Variants in NALF1 observed in about 807,000 individuals in gnomAD.
NALF1 encodes the protein NALCN channel auxiliary factor 1.
In NALF1, 3 loss-of-function variants were observed where a neutral mutation model predicts 48.4. The observed-to-expected ratio is 0.06, with a 90% CI of 0.03 to 0.16. The LOEUF (loss-of-function observed/expected upper bound fraction) is 0.16, where lower values mean the gene tolerates loss of function less well. Among genes scored for constraint, NALF1 ranks in the 10% least tolerant of loss-of-function variants. NALF1 has a pLI of 1.00. For synonymous variants in NALF1, 262 were observed against 245.7 expected (o/e 1.07, Z -0.62); for missense variants, 526 against 571.5 (o/e 0.92, Z 0.81).
At chr13:107,330,661 G>A (rs755823233) in intron 1 of NALF1, among the ~76,000 whole-genome samples, 4 of 152,186 alleles carry the variant, frequency 2.6e-5, no homozygotes, top group Non-Finnish European at 5.9e-5. Context: ...AAGCCGCGGG[G>A]CTGTGTCACC....
At chr13:107,554,740 C>T (rs1460636690) in intron 1 of NALF1, among the ~76,000 whole-genome samples, 5 of 152,120 alleles carry the variant, frequency 3.3e-5, no homozygotes, top group Non-Finnish European at 7.4e-5. Context: ...ATTTGCTACC[C>T]GCAGTTTTAT....
intron 1 of NALF1, among the ~76,000 whole-genome samples, chr13:107,742,258 C>T (rs556953473): frequency 1.2e-4 from 18 of 152,314 alleles, no homozygotes; most frequent in African/African-American, 4.3e-4. Context: ...GAGGTCTCAT[C>T]TAAAACATCA....
At chr13:107,627,015 G>T (rs745520645) in intron 1 of NALF1, among the ~76,000 whole-genome samples, 13 of 151,998 alleles carry the variant, frequency 8.6e-5, no homozygotes, top group African/African-American at 3.1e-4. Flanking sequence ...TCTTCTCTAT[G>T]ACATTATACA....
chr13:107,440,280 G>T (rs529209581), intron 1 of NALF1, among the ~76,000 whole-genome samples: 1 of 152,172 alleles, frequency 6.6e-6, no homozygotes, highest in South Asian at 2.1e-4. Flanking sequence ...TATGGAAGAC[G>T]TGGTGGGGGT....
At chr13:107,806,440 C>T (rs1878792117) in intron 1 of NALF1, among the ~76,000 whole-genome samples, 1 of 151,692 alleles carries the variant, frequency 6.6e-6, no homozygotes, top group Non-Finnish European at 1.5e-5. Context: ...TTTTAAAAAG[C>T]CAATTACATA....
At chr13:107,403,188 C>CTTTTTTTTTTTTTTTTTTTT (rs10710356) in intron 1 of NALF1, among the ~76,000 whole-genome samples, 5 of 42,476 alleles carry the variant, frequency 1.2e-4, no homozygotes, top group African/African-American at 2.6e-4. Context: ...CTTGTTCGGG[C>CTTTTTTTTTTTTTTTTTTTT]TTTTTTTTTT....
intron 2 of NALF1, among the ~76,000 whole-genome samples, chr13:107,196,341 T>C (rs1879392889): frequency 6.6e-6 from 1 of 152,184 alleles, no homozygotes; most frequent in Admixed American, 6.5e-5. Context: ...TATAAGTCTC[T>C]AGAATCAAGC....
chr13:107,340,355 G>A (rs1173962634), intron 1 of NALF1, among the ~76,000 whole-genome samples: 1 of 151,042 alleles, frequency 6.6e-6, no homozygotes, highest in Non-Finnish European at 1.5e-5. Flanking sequence ...TAGCCCAGCT[G>A]GTCACAAACT....
At chr13:107,651,257 T>C (rs1880444151) in intron 1 of NALF1, among the ~76,000 whole-genome samples, 6 of 152,222 alleles carry the variant, frequency 3.9e-5, no homozygotes, top group Admixed American at 3.3e-4. Flanking sequence ...GTTTCTGTTC[T>C]GTATTCTTTA....
intron 1 of NALF1, among the ~76,000 whole-genome samples, chr13:107,694,161 C>T (rs1881642854): frequency 6.6e-6 from 1 of 152,154 alleles, no homozygotes; most frequent in Non-Finnish European, 1.5e-5. Context: ...TTACAAACAG[C>T]TGTTAAAGCT....
chr13:107,860,575 C>A (rs978115163), intron 1 of NALF1, among the ~76,000 whole-genome samples: 2 of 152,032 alleles, frequency 1.3e-5, no homozygotes, highest in African/African-American at 2.4e-5. Context: ...CCACTGTGAC[C>A]CCAAAGGCCA....
At chr13:107,649,672 C>T (rs1437375991) in intron 1 of NALF1, among the ~76,000 whole-genome samples, 1 of 152,120 alleles carries the variant, frequency 6.6e-6, no homozygotes, top group African/African-American at 2.4e-5. Flanking sequence ...AAAATAAAAA[C>T]AGTGTATCCT....
chr13:107,178,142 G>A (rs1278487823), intron 2 of NALF1, among the ~76,000 whole-genome samples: 2 of 152,082 alleles, frequency 1.3e-5, no homozygotes, highest in Non-Finnish European at 2.9e-5. Context: ...TGTTGCTCTA[G>A]GCAAAAATTT....
At chr13:107,448,911 C>T (rs1884695866) in intron 1 of NALF1, among the ~76,000 whole-genome samples, 1 of 152,134 alleles carries the variant, frequency 6.6e-6, no homozygotes, top group African/African-American at 2.4e-5. Context: ...CTGCCAAATG[C>T]CATGTAACTC....
In NALF1 at chr13:107,288,382, G is replaced by A. The variant is rs1881544261; in HGVS notation, c.916-77627C>T. 2.0e-5 allele frequency among the ~76,000 whole-genome samples: 3 copies of A among 151,204 alleles called. No homozygotes were observed. The South Asian group carries it at 6.3e-4, about 32-fold the overall frequency. The stretch of plus-strand genomic sequence containing the variant: ...TTACAGGCACCCGCCACCACAGCCA[G>A]CTAATTTTTGTATTTTTAGTAGAGA... On this transcript the variant is annotated intron_variant, in intron 1 of 2. Coordinates refer to ENST00000375915, the MANE Select transcript of NALF1 (RefSeq NM_001080396.3).
chr13:107,235,512 C>A (rs994278751), intron 1 of NALF1, among the ~76,000 whole-genome samples: 6 of 152,162 alleles, frequency 3.9e-5, no homozygotes, highest in African/African-American at 1.4e-4. Flanking sequence ...CCATGCACAT[C>A]CTCCCATATA....
chr13:107,278,174 G>T (rs1330734825), intron 1 of NALF1, among the ~76,000 whole-genome samples: 2 of 152,310 alleles, frequency 1.3e-5, no homozygotes, highest in East Asian at 3.9e-4. Context: ...ATATTTCGCA[G>T]AAGGTAGAGT....
intron 1 of NALF1, among the ~76,000 whole-genome samples, chr13:107,324,921 A>T (rs1341850125): frequency 6.6e-6 from 1 of 152,204 alleles, no homozygotes; most frequent in Non-Finnish European, 1.5e-5. Context: ...CAAAACCTGG[A>T]TGAGTCAATT....
chr13:107,567,608 T>C (rs1366175798), intron 1 of NALF1, among the ~76,000 whole-genome samples: 1 of 152,208 alleles, frequency 6.6e-6, no homozygotes, highest in African/African-American at 2.4e-5. Context: ...CCCCTAGAAC[T>C]TGTTAAGATC....
Sources: gnomAD v4.1 joint callset for allele counts (sites outside exome capture counted in the v4.1 genomes callset) on GRCh38, gnomAD v4.1.1 for gene constraint, MANE v1.5 for transcripts, NCBI Gene and HGNC (gene_info 2026-07-23, HGNC 2026-07-21) for gene names.